Variants in DTX4 observed in about 807,000 individuals in gnomAD.
DTX4 encodes the protein deltex E3 ubiquitin ligase 4.
Under a neutral mutation model 57.6 loss-of-function variants are expected in DTX4, and 28 were observed. The observed-to-expected ratio is 0.49, with a 90% CI of 0.36 to 0.67. DTX4 has a LOEUF of 0.67. Among genes scored for constraint, DTX4 ranks in the 30% least tolerant of loss-of-function variants. The pLI is 0.00. For synonymous variants in DTX4, 316 were observed against 331.0 expected (o/e 0.95, Z 0.49); for missense variants, 715 against 836.8 (o/e 0.85, Z 1.80).
At chr11:59,173,416 A>G (rs1862354287) in intron 1 of DTX4, among the ~76,000 whole-genome samples, 1 of 152,190 alleles carries the variant, frequency 6.6e-6, no homozygotes. Context: ...AGGAGAGACT[A>G]GGGCTGGGGT....
chr11:59,176,828 G>C (rs1280776697), intron 1 of DTX4, among the ~76,000 whole-genome samples: 1 of 152,160 alleles, frequency 6.6e-6, no homozygotes, highest in Non-Finnish European at 1.5e-5. Flanking sequence ...CTATCCTACT[G>C]GAGCCCCTTT....
intron 7 of DTX4, among the ~76,000 whole-genome samples, chr11:59,199,421 T>A (rs1057281970): frequency 1.2e-4 from 19 of 152,186 alleles, no homozygotes; most frequent in Non-Finnish European, 2.9e-5. Context: ...GCGTCATTCC[T>A]GTTAGAGAGA....
intron 4 of DTX4, among the ~76,000 whole-genome samples, chr11:59,189,788 C>T (rs538790129): frequency 1.3e-5 from 2 of 152,308 alleles, no homozygotes; most frequent in East Asian, 3.9e-4. Context: ...GAAGTAGTCC[C>T]TGTCCTGTGT....
chr11:59,181,656 G>T, intron 1 of DTX4, 83 bp from the exon 2 acceptor site: 1 of 1,502,698 alleles, frequency 6.7e-7, no homozygotes, highest in South Asian at 1.3e-5. Flanking sequence ...TTGCCATTAT[G>T]GCAATGGCAT....
rs369979555 is a variant in DTX4, at chr11:59,192,088, C to G, written c.1222-10C>G. ...TGACAGCCTCTCTGCTGTGTCTCCT[C>G]CCTCCCCAGGACTGCACCATCTGTA... On this transcript the variant is annotated splice_polypyrimidine_tract_variant and intron_variant, in intron 5 of 8. Transcript: ENST00000227451. 6.2e-7 allele frequency: 1 copy of G among 1,607,850 alleles called. No homozygotes were observed. Among genetic ancestry groups the G allele is most frequent in the Non-Finnish European group, 8.5e-7 (1 of 1,175,884 alleles).
intron 1 of DTX4, among the ~76,000 whole-genome samples, chr11:59,180,699 T>C (rs1415559995): frequency 6.6e-6 from 1 of 152,170 alleles, no homozygotes; most frequent in East Asian, 1.9e-4. Flanking sequence ...TGAGCCCTGG[T>C]TGAGGATGAG....
At chr11:59,185,622 T>C (rs570130702) in intron 2 of DTX4, among the ~76,000 whole-genome samples, 165 of 152,258 alleles carry the variant, frequency 1.1e-3, no homozygotes, top group African/African-American at 3.8e-3. Context: ...TGGGACTTCA[T>C]GGGCTGTTCT....
chr11:59,189,404 C>G, intron 4 of DTX4, 81 bp downstream of exon 4: 1 of 1,368,252 alleles, frequency 7.3e-7, no homozygotes, highest in Non-Finnish European at 9.8e-7. Flanking sequence ...CTCCAAGGGT[C>G]ATAGCCACGG....
rs116348220 is a variant in DTX4 at position 59,199,627 on chromosome 11, G to A, written c.1537-57G>A. 3,089 of 1,323,554 alleles carry A rather than the reference G, an allele frequency of 2.3e-3. 54 individuals are homozygous for A. In the African/African-American group the frequency reaches 0.04, roughly 17 times the overall value. The allele number at this position is 1,323,554 out of a possible 1,614,324, so 82.0% of individuals were successfully genotyped here. On this transcript the variant is annotated intron_variant, in intron 7 of 8. Transcript: ENST00000227451. The stretch of plus-strand genomic sequence containing the variant: ...TTGAAATTAGTCACAGCCTAACCCC[G>A]CTCTTATCAGAAATATTTTGAAAAA...
intron 6 of DTX4, among the ~76,000 whole-genome samples, chr11:59,193,998 G>T (rs532715849): frequency 1.3e-5 from 2 of 152,058 alleles, no homozygotes; most frequent in African/African-American, 4.8e-5. Flanking sequence ...TCCTTTTTGC[G>T]AGCCTGGGAA....
At position 59,172,329 on chromosome 11, in the gene DTX4, C is replaced by T. The variant is rs1378750864; in HGVS notation, c.-267C>T. Among the ~76,000 whole-genome samples the T allele has an allele frequency of 6.6e-6, 1 of 151,828 alleles. No homozygotes were observed. The highest frequency in any genetic ancestry group is 2.4e-5 in the African/African-American group (1 of 41,396). On this transcript the variant is annotated 5_prime_UTR_variant, in exon 1 of 9. Coordinates refer to ENST00000227451, the MANE Select transcript of DTX4 (RefSeq NM_015177.2). ...AGCCGGGCATTTGCATGAAGCGACT[C>T]GACCCCACAGAGCAGCGGCAGCAGC...
intron 1 of DTX4, among the ~76,000 whole-genome samples, chr11:59,175,375 TAGA>T (rs1862382843): frequency 6.6e-6 from 1 of 151,978 alleles, no homozygotes; most frequent in African/African-American, 2.4e-5. Flanking sequence ...CTGCTGCTGA[TAGA>T]GTCCTCAGGC....
At chr11:59,176,170 G>A (rs759786897) in intron 1 of DTX4, among the ~76,000 whole-genome samples, 6 of 152,282 alleles carry the variant, frequency 3.9e-5, no homozygotes, top group South Asian at 2.1e-4. Context: ...TTTTAGCCCC[G>A]CCACAAAACC....
chr11:59,205,386 G>C lies in DTX4; in HGVS notation c.*477G>C, dbSNP rs769768931. On this transcript the variant is annotated 3_prime_UTR_variant, in exon 9 of 9. Coordinates refer to ENST00000227451, the MANE Select transcript of DTX4 (RefSeq NM_015177.2). The stretch of plus-strand genomic sequence containing the variant: ...CAGGGAGCTCTCACTGTGCAAGGTT[G>C]GGGGGTGGGCAAAGGGGTGAATCAC... The C allele has an allele frequency of 3.5e-5, 6 of 171,978 alleles. No homozygotes were observed. In the South Asian group the frequency reaches 8.3e-4, roughly 24 times the overall value. 10.7% of individuals were successfully genotyped at this position (171,978 alleles called of 1,614,324 possible).
rs1048718913 is a variant in DTX4, at chr11:59,207,182, A to C, written c.*2273A>C. ...CACAATGAGGCAGTAGGAGGTGGGG[A>C]AGAAAAGAAGACAGACTTTCAAAAT... On this transcript the variant is annotated 3_prime_UTR_variant, in exon 9 of 9. Coordinates refer to ENST00000227451, the MANE Select transcript of DTX4 (RefSeq NM_015177.2). The C allele has an allele frequency of 3.9e-5, 6 of 152,350 alleles. No individual in the cohort carries two copies. Among genetic ancestry groups the C allele is most frequent in the African/African-American group, 1.4e-4 (6 of 41,440 alleles). The allele number at this position is 152,350 out of a possible 1,614,324, so 9.4% of individuals were successfully genotyped here.
chr11:59,182,482 C>A lies in DTX4; in HGVS notation c.935+20C>A, dbSNP rs759176432. 5 of 1,573,118 alleles carry A rather than the reference C, an allele frequency of 3.2e-6. No individual in the cohort carries two copies. The highest frequency in any genetic ancestry group is 1.2e-5 in the South Asian group (1 of 86,224). On this transcript the variant is annotated intron_variant, in intron 2 of 8. Coordinates refer to ENST00000227451, the MANE Select transcript of DTX4 (RefSeq NM_015177.2). Reference sequence around the variant, plus strand: ...CTCTGGGTAAGTGCTTCCACAGCTGCCTCAGAGCATTTACTCAGGGTAGAG... The same window carrying A: ...CTCTGGGTAAGTGCTTCCACAGCTGACTCAGAGCATTTACTCAGGGTAGAG...
chr11:59,192,782 G>T (rs1191614369), intron 6 of DTX4, among the ~76,000 whole-genome samples: 1 of 152,134 alleles, frequency 6.6e-6, no homozygotes, highest in African/African-American at 2.4e-5. Flanking sequence ...AGTACACCTG[G>T]TAATCCCTGC....
At chr11:59,192,443 T>C (rs1469491457) in intron 6 of DTX4, among the ~76,000 whole-genome samples, 193 bp downstream of exon 6, 1 of 152,154 alleles carries the variant, frequency 6.6e-6, no homozygotes, top group African/African-American at 2.4e-5. Context: ...GTAAGACCTG[T>C]CTTCACCTTC....
chr11:59,184,431 G>C (rs550073951), intron 2 of DTX4, among the ~76,000 whole-genome samples: 5 of 152,326 alleles, frequency 3.3e-5, no homozygotes, highest in African/African-American at 1.2e-4. Context: ...TAAGTGTATA[G>C]ACTTAGCACA....
Sources: allele counts gnomAD v4.1 joint callset (sites outside exome capture counted in the v4.1 genomes callset), GRCh38; gene constraint gnomAD v4.1.1; transcripts MANE v1.5; gene names NCBI Gene and HGNC (gene_info 2026-07-23, HGNC 2026-07-21).